The following CNTN5 variants were observed in gnomAD, a reference collection of about 807,000 sequenced individuals.
CNTN5 encodes contactin-5.
Under a neutral mutation model 129.1 loss-of-function variants are expected in CNTN5, and 77 were observed. The observed-to-expected ratio is 0.60, with a 90% CI of 0.50 to 0.72. The LOEUF is 0.72. Among genes scored for constraint, CNTN5 ranks in the 30% least tolerant of loss-of-function variants. The pLI is 0.00. For synonymous variants in CNTN5, 509 were observed against 465.6 expected (o/e 1.09, Z -1.20); for missense variants, 1,478 against 1,328.8 (o/e 1.11, Z -1.75).
At chr11:99,958,247 G>A (rs1237741110) in intron 8 of CNTN5, among the ~76,000 whole-genome samples, 1 of 152,174 alleles carries the variant, frequency 6.6e-6, no homozygotes, top group African/African-American at 2.4e-5. Flanking sequence ...GGTAGCACTG[G>A]AGGACAGGAA....
intron 6 of CNTN5, among the ~76,000 whole-genome samples, chr11:99,909,728 G>A (rs993582947): frequency 4.6e-5 from 7 of 151,606 alleles, no homozygotes; most frequent in Admixed American, 3.3e-4. Context: ...ACGAAACATC[G>A]CATGTTCTCA....
chr11:99,848,457 T>G (rs1182933780), intron 6 of CNTN5, among the ~76,000 whole-genome samples: 1 of 152,134 alleles, frequency 6.6e-6, no homozygotes, highest in Non-Finnish European at 1.5e-5. Context: ...AACTAATATT[T>G]CAAAATTAAT....
At chr11:99,055,431 CA>C (rs1368415400) in intron 1 of CNTN5, among the ~76,000 whole-genome samples, 1 of 151,916 alleles carries the variant, frequency 6.6e-6, no homozygotes, top group African/African-American at 2.4e-5. Context: ...TAACTGAGTA[CA>C]ATTTACTCTT....
chr11:99,292,516 TGTG>T (rs762474432), intron 1 of CNTN5, among the ~76,000 whole-genome samples: 33 of 152,216 alleles, frequency 2.2e-4, no homozygotes, highest in Admixed American at 1.0e-3. Flanking sequence ...GCTGAATAAA[TGTG>T]GTGAAAGTGG....
intron 6 of CNTN5, among the ~76,000 whole-genome samples, chr11:99,884,067 A>T (rs1948837653): frequency 6.6e-6 from 1 of 152,130 alleles, no homozygotes; most frequent in South Asian, 2.1e-4. Context: ...AACGGCCCCC[A>T]AACAGAAGCA....
At chr11:99,095,630 G>A (rs147626786) in intron 1 of CNTN5, among the ~76,000 whole-genome samples, 1 of 151,818 alleles carries the variant, frequency 6.6e-6, no homozygotes, top group African/African-American at 2.4e-5. Context: ...TGAGTAGAGT[G>A]AGGGAAACTA....
chr11:99,610,346 T>C (rs1950557724), intron 3 of CNTN5, among the ~76,000 whole-genome samples: 1 of 152,136 alleles, frequency 6.6e-6, no homozygotes, highest in African/African-American at 2.4e-5. Context: ...GTGTTATTTC[T>C]CAGTCAGGTA....
chr11:99,585,411 A>C (rs1949761293), intron 3 of CNTN5, among the ~76,000 whole-genome samples: 1 of 152,184 alleles, frequency 6.6e-6, no homozygotes, highest in South Asian at 2.1e-4. Context: ...GTTTTCTATT[A>C]AGCTAAATTC....
intron 1 of CNTN5, among the ~76,000 whole-genome samples, chr11:99,299,509 C>T (rs1319170005): frequency 3.3e-5 from 5 of 151,836 alleles, no homozygotes; most frequent in African/African-American, 1.2e-4. Context: ...GTCTAAGAAA[C>T]AAACCAAAAA....
intron 2 of CNTN5, among the ~76,000 whole-genome samples, chr11:99,455,089 T>C (rs1379644765): frequency 1.3e-5 from 2 of 152,162 alleles, no homozygotes; most frequent in Admixed American, 6.6e-5. Context: ...GGTGCTCAGA[T>C]AGTCACAGGT....
chr11:99,115,751 A>T (rs916156630), intron 1 of CNTN5, among the ~76,000 whole-genome samples: 7 of 152,084 alleles, frequency 4.6e-5, no homozygotes, highest in Non-Finnish European at 8.8e-5. Context: ...CAAGAGCGAA[A>T]CTCCGTCTCA....
chr11:99,766,177 C>T (rs1288461059), intron 3 of CNTN5, among the ~76,000 whole-genome samples: 2 of 151,896 alleles, frequency 1.3e-5, no homozygotes, highest in African/African-American at 4.8e-5. Context: ...GTATGATAAA[C>T]GTTTATTTAA....
intron 13 of CNTN5, among the ~76,000 whole-genome samples, chr11:100,188,497 A>G (rs184407378): frequency 6.6e-6 from 1 of 152,216 alleles, no homozygotes; most frequent in East Asian, 1.9e-4. Flanking sequence ...AATGATCCAC[A>G]TTACTAATTG....
chr11:99,646,986 G>C (rs780194449), intron 3 of CNTN5, among the ~76,000 whole-genome samples: 1 of 151,828 alleles, frequency 6.6e-6, no homozygotes, highest in African/African-American at 2.4e-5. Flanking sequence ...TTCTGTAGTT[G>C]TCTTTTTACT....
chr11:99,755,794 T>C (rs1343841640), intron 3 of CNTN5, among the ~76,000 whole-genome samples: 1 of 152,088 alleles, frequency 6.6e-6, no homozygotes, highest in Non-Finnish European at 1.5e-5. Flanking sequence ...GCCTTCCTAC[T>C]CTTAACTCCT....
At chr11:99,982,573 T>C (rs1938414753) in intron 8 of CNTN5, among the ~76,000 whole-genome samples, 1 of 152,198 alleles carries the variant, frequency 6.6e-6, no homozygotes, top group Non-Finnish European at 1.5e-5. Context: ...AGACTCAAAC[T>C]TAAAACTAAG....
At chr11:99,360,152 TC>T (rs1224811197) in intron 2 of CNTN5, among the ~76,000 whole-genome samples, 2 of 152,192 alleles carry the variant, frequency 1.3e-5, no homozygotes, top group African/African-American at 4.8e-5. Flanking sequence ...TGGCCCACCT[TC>T]CAGACACAGT....
At chr11:99,631,963 T>C (rs1370668923) in intron 3 of CNTN5, among the ~76,000 whole-genome samples, 1 of 151,612 alleles carries the variant, frequency 6.6e-6, no homozygotes, top group Non-Finnish European at 1.5e-5. Flanking sequence ...TTGTCAGTTA[T>C]TGTTGACTTC....
intron 1 of CNTN5, among the ~76,000 whole-genome samples, chr11:99,273,358 C>A (rs2135863487): frequency 6.6e-6 from 1 of 151,894 alleles, no homozygotes; most frequent in South Asian, 2.1e-4. Context: ...TTCACTTAAA[C>A]AAAATGTTAA....
Sources: gnomAD v4.1 joint callset for allele counts (sites outside exome capture counted in the v4.1 genomes callset) on GRCh38, gnomAD v4.1.1 for gene constraint, MANE v1.5 for transcripts, NCBI Gene and HGNC (gene_info 2026-07-23, HGNC 2026-07-21) for gene names.